The following TTC6 variants were observed in gnomAD, a reference collection of about 807,000 sequenced individuals.
TTC6 encodes the protein tetratricopeptide repeat protein 6.
In TTC6, 172 loss-of-function variants were observed where a neutral mutation model predicts 210.4. That is an observed-to-expected ratio of 0.82 (90% CI 0.72 to 0.93). The LOEUF is 0.93. TTC6 is among the 40% of genes least tolerant of loss of function. TTC6 has a pLI of 0.00. For missense variants in TTC6, 2,414 were observed against 2,318.1 expected (o/e 1.04, Z -0.85); for synonymous variants, 804 against 819.6 (o/e 0.98, Z 0.32).
chr14:37,760,929 A>G (rs1419116536), intron 14 of TTC6, among the ~76,000 whole-genome samples: 2 of 152,158 alleles, frequency 1.3e-5, no homozygotes. Context: ...ATTTCAAGCC[A>G]GTGGTTCTTA....
At position 37,682,979 on chromosome 14, in the gene TTC6, A is replaced by G; in HGVS notation, c.1257+15A>G. ...TGTCTTTAACGGTAAGAAACTATTT[A>G]TGTTGGAAACACCTAAGAGTTATGA... On this transcript the variant is annotated intron_variant, in intron 3 of 30. Transcript: ENST00000553443. The G allele has an allele frequency of 6.5e-7, 1 of 1,532,700 alleles. No homozygotes were observed. The highest frequency in any genetic ancestry group is 1.7e-4 in the Middle Eastern group (1 of 5,974). 94.9% of individuals were successfully genotyped at this position (1,532,700 alleles called of 1,614,324 possible).
intron 1 of TTC6, among the ~76,000 whole-genome samples, chr14:37,633,083 C>T (rs1015023696): frequency 2.6e-5 from 4 of 152,178 alleles, no homozygotes; most frequent in Non-Finnish European, 4.4e-5. Flanking sequence ...ATCCACTGAG[C>T]GAGACCACTT....
chr14:37,837,941 G>A (rs930750011), intron 29 of TTC6, among the ~76,000 whole-genome samples: 1 of 152,158 alleles, frequency 6.6e-6, no homozygotes, highest in Non-Finnish European at 1.5e-5. Context: ...ATGTGTCCAT[G>A]CCACAGAAAT....
At chr14:37,684,460 C>T (rs2095790193) in intron 3 of TTC6, among the ~76,000 whole-genome samples, 1 of 152,138 alleles carries the variant, frequency 6.6e-6, no homozygotes, top group African/African-American at 2.4e-5. Flanking sequence ...ACAAAGCATG[C>T]ATTTGGATGT....
At chr14:37,618,589 T>G (rs2095646413), upstream of TTC6, among the ~76,000 whole-genome samples, 1 of 152,208 alleles carries the variant, frequency 6.6e-6, no homozygotes, top group South Asian at 2.1e-4. Context: ...CTCATGAGAA[T>G]GAATGTTTAA....
intron 20 of TTC6, 68 bp downstream of exon 22, chr14:37,797,015 C>CA: frequency 7.7e-7 from 1 of 1,296,384 alleles, no homozygotes; most frequent in Non-Finnish European, 1.0e-6. Flanking sequence ...CTTAGTATAC[C>CA]ACTTTAAATA....
chr14:37,727,542 C>G (rs546365327), intron 7 of TTC6, among the ~76,000 whole-genome samples: 1 of 21,358 alleles, frequency 4.7e-5, no homozygotes, highest in Non-Finnish European at 1.1e-4. Context: ...ATCCGCCCGC[C>G]TTGGCCTCCC....
upstream of TTC6, among the ~76,000 whole-genome samples, chr14:37,619,644 T>C (rs150093939): frequency 9.0e-3 from 1,368 of 152,234 alleles, 12 homozygotes; most frequent in Non-Finnish European, 0.013. Context: ...ATAACTAATA[T>C]TATATTTAAT....
chr14:37,658,213 C>CA (rs1378488582), intron 1 of TTC6, among the ~76,000 whole-genome samples: 1 of 152,050 alleles, frequency 6.6e-6, no homozygotes, highest in African/African-American at 2.4e-5. Context: ...TTTTAAAAAA[C>CA]ACCATTAAAA....
chr14:37,695,411 A>G (rs2138645083), intron 3 of TTC6, among the ~76,000 whole-genome samples: 1 of 152,220 alleles, frequency 6.6e-6, no homozygotes, highest in South Asian at 2.1e-4. Flanking sequence ...CTAGAATGCA[A>G]TGGCACAATC....
intron 6 of TTC6, among the ~76,000 whole-genome samples, chr14:37,717,717 C>A (rs546597770): frequency 2.7e-4 from 41 of 151,494 alleles, no homozygotes; most frequent in African/African-American, 9.7e-4. Context: ...GCTAGTAATA[C>A]CCTAGTATCT....
At chr14:37,619,002 G>A (rs1566842137), upstream of TTC6, among the ~76,000 whole-genome samples, 1 of 152,164 alleles carries the variant, frequency 6.6e-6, no homozygotes, top group Non-Finnish European at 1.5e-5. Flanking sequence ...AGGAAGAAAT[G>A]CAGATAGTGT....
chr14:37,747,423 A>G (rs1372480619), intron 10 of TTC6, among the ~76,000 whole-genome samples: 2 of 152,260 alleles, frequency 1.3e-5, no homozygotes, highest in Non-Finnish European at 2.9e-5. Context: ...CCTGGGATTA[A>G]AAATGTAAAG....
At chr14:37,683,679 T>G (rs1471754809) in intron 3 of TTC6, among the ~76,000 whole-genome samples, 1 of 152,168 alleles carries the variant, frequency 6.6e-6, no homozygotes. Flanking sequence ...AATTAAACTT[T>G]ATCATCAATA....
At chr14:37,632,456 C>A (rs11848396) in intron 1 of TTC6, among the ~76,000 whole-genome samples, 11 of 152,172 alleles carry the variant, frequency 7.2e-5, no homozygotes, top group African/African-American at 2.4e-4. Context: ...GGCTGCAGAA[C>A]GGCAAAGATT....
intron 1 of TTC6, among the ~76,000 whole-genome samples, chr14:37,626,678 A>C (rs1373817055): frequency 6.6e-6 from 1 of 152,136 alleles, no homozygotes; most frequent in East Asian, 1.9e-4. Context: ...CTTTTTGCCT[A>C]ATTTCTCCCA....
At chr14:37,842,412 T>C in exon 31 of TTC6, 1 of 784,828 alleles carries the variant, frequency 1.3e-6, no homozygotes, top group Non-Finnish European at 1.8e-6. Flanking sequence ...TAGTCTTCCA[T>C]ATAACCTTCT....
chr14:37,630,932 TTTTTTTTTTTTTTTTG>T (rs1358440827), intron 1 of TTC6, among the ~76,000 whole-genome samples: 5 of 108,116 alleles, frequency 4.6e-5, no homozygotes, highest in African/African-American at 1.8e-4. Context: ...TTTTTTTTTT[TTTTTTTTTTTTTTTTG>T]CTTTCATTTG....
intron 17 of TTC6, among the ~76,000 whole-genome samples, chr14:37,794,194 T>A (rs2096086922): frequency 6.6e-6 from 1 of 152,046 alleles, no homozygotes; most frequent in Middle Eastern, 3.2e-3. Flanking sequence ...GATTTATTAA[T>A]TACACCATCC....
Sources: allele counts gnomAD v4.1 joint callset (sites outside exome capture counted in the v4.1 genomes callset), GRCh38; gene constraint gnomAD v4.1.1; transcripts MANE v1.5; gene names NCBI Gene and HGNC (gene_info 2026-07-23, HGNC 2026-07-21).